BBS9: variants seen among roughly 807,000 people sequenced by gnomAD.
The protein encoded by BBS9 is Bardet-Biedl syndrome 9.
BBS9 carries 89 observed loss-of-function variants against 117.7 expected under a neutral mutation model. The ratio of observed to expected loss-of-function variants is 0.76; its 90% CI spans 0.64 to 0.90. The LOEUF (loss-of-function observed/expected upper bound fraction) is 0.90, where lower values mean the gene tolerates loss of function less well. Ranked by LOEUF, BBS9 falls within the 40% of genes least tolerant of loss-of-function variation. The pLI is 0.00. For synonymous variants in BBS9, 379 were observed against 370.9 expected (o/e 1.02, Z -0.25); for missense variants, 982 against 1,042.2 (o/e 0.94, Z 0.80).
At chr7:33,346,324 C>T in intron 12 of BBS9, 1 of 464,186 alleles carries the variant, frequency 2.2e-6, no homozygotes, top group Non-Finnish European at 4.5e-6. Flanking sequence ...ATGTGGCTAC[C>T]TTGAGTATGT....
At chr7:33,447,592 C>T (rs1276410953) in intron 19 of BBS9, among the ~76,000 whole-genome samples, 1 of 152,158 alleles carries the variant, frequency 6.6e-6, no homozygotes, top group Non-Finnish European at 1.5e-5. Flanking sequence ...TACGTATCTG[C>T]TACTAGAAAT....
intron 5 of BBS9, among the ~76,000 whole-genome samples, chr7:33,187,958 C>T (rs979395096): frequency 2.0e-5 from 3 of 151,732 alleles, no homozygotes; most frequent in Admixed American, 1.3e-4. Context: ...TCTCAAGTAG[C>T]TCACAATCTA....
intron 20 of BBS9, among the ~76,000 whole-genome samples, chr7:33,512,034 A>G (rs1847047862): frequency 6.6e-6 from 1 of 152,200 alleles, no homozygotes; most frequent in Non-Finnish European, 1.5e-5. Context: ...TGTCTATGGG[A>G]ACACAGTGCA....
intron 21 of BBS9, among the ~76,000 whole-genome samples, chr7:33,538,785 A>G (rs79030775): frequency 2.7e-5 from 4 of 150,568 alleles, no homozygotes; most frequent in Non-Finnish European, 5.9e-5. Context: ...AAAAAAAAAA[A>G]GGGAGTGAGT....
intron 21 of BBS9, among the ~76,000 whole-genome samples, chr7:33,576,598 AG>A (rs1202031470): frequency 6.6e-6 from 1 of 152,190 alleles, no homozygotes; most frequent in East Asian, 1.9e-4. Flanking sequence ...CGCTTTGCCA[AG>A]ACAATCCTAA....
intron 9 of BBS9, among the ~76,000 whole-genome samples, chr7:33,303,238 A>G (rs903754611): frequency 6.6e-6 from 1 of 152,106 alleles, no homozygotes; most frequent in African/African-American, 2.4e-5. Flanking sequence ...GTCCTTTCCA[A>G]TTTGAATGCC....
At chr7:33,381,849 A>G (rs1394098092) in intron 17 of BBS9, among the ~76,000 whole-genome samples, 3 of 152,120 alleles carry the variant, frequency 2.0e-5, no homozygotes, top group Non-Finnish European at 2.9e-5. Flanking sequence ...ATTCTTTATC[A>G]TTGTGAAAGG....
chr7:33,542,818 C>T (rs1435744726), intron 21 of BBS9, among the ~76,000 whole-genome samples: 4 of 151,196 alleles, frequency 2.6e-5, no homozygotes, highest in Non-Finnish European at 5.9e-5. Context: ...CACACACACA[C>T]ACACACACAC....
chr7:33,257,350 A>G lies in BBS9; in HGVS notation c.557A>G (p.Tyr186Cys). 3.1e-6 allele frequency: 5 copies of G among 1,613,908 alleles called. No homozygotes were observed. The highest frequency in any genetic ancestry group is 4.2e-6 in the Non-Finnish European group (5 of 1,179,880). Residue 186 changes from tyrosine to cysteine, a missense_variant, in exon 6 of 23, where the codon TAC becomes TGC. Coordinates refer to ENST00000242067, the MANE Select transcript of BBS9 (RefSeq NM_198428.3). ...TTTCTTCTGCCTGGTCCTCTTGCCT[A>G]CAGTTCCCGTACAGATTCCTTCCTT... ...PGFLLPGPLA[Y>C]SSRTDSFLTV...
At chr7:33,138,549 A>C (rs1394621345) in intron 1 of BBS9, among the ~76,000 whole-genome samples, 1 of 145,620 alleles carries the variant, frequency 6.9e-6, no homozygotes, top group Non-Finnish European at 1.5e-5. Flanking sequence ...GTAGCAAGGG[A>C]CCAAACTCTG....
intron 19 of BBS9, among the ~76,000 whole-genome samples, chr7:33,462,093 A>G (rs1205283110): frequency 6.6e-6 from 1 of 152,062 alleles, no homozygotes; most frequent in Non-Finnish European, 1.5e-5. Flanking sequence ...TAGGTTAATT[A>G]TTAAATAATA....
chr7:33,208,985 G>T (rs1300573053), intron 5 of BBS9, among the ~76,000 whole-genome samples: 1 of 152,058 alleles, frequency 6.6e-6, no homozygotes, highest in Admixed American at 6.6e-5. Context: ...ATTTAAAAAT[G>T]TACAATTAAA....
At chr7:33,217,611 C>T (rs886659760) in intron 5 of BBS9, among the ~76,000 whole-genome samples, 1 of 152,192 alleles carries the variant, frequency 6.6e-6, no homozygotes, top group Admixed American at 6.5e-5. Flanking sequence ...TTATAATTCT[C>T]AGCATGCACA....
intron 5 of BBS9, among the ~76,000 whole-genome samples, chr7:33,232,917 G>GT (rs1562845850): frequency 6.6e-6 from 1 of 152,104 alleles, no homozygotes; most frequent in African/African-American, 2.4e-5. Context: ...AAGGAAAGTC[G>GT]TAACTCTCAA....
Position 33,383,850 on chromosome 7 carries a change from C to T in BBS9, c.1962+12C>T. 6.2e-7 allele frequency: 1 copy of T among 1,607,406 alleles called. No individual in the cohort carries two copies. The highest frequency in any genetic ancestry group is 8.5e-7 in the Non-Finnish European group (1 of 1,176,418). ...ATCATCATTTTGAGGTATGTATGAT[C>T]ATAACCCACATCATCTATAATCCTT... On this transcript the variant is annotated intron_variant, in intron 18 of 22. Coordinates refer to ENST00000242067, the MANE Select transcript of BBS9 (RefSeq NM_198428.3).
chr7:33,361,704 G>A (rs1479565818), intron 16 of BBS9, among the ~76,000 whole-genome samples: 9 of 151,464 alleles, frequency 5.9e-5, no homozygotes, highest in Non-Finnish European at 1.0e-4. Flanking sequence ...TTCTTTTAAG[G>A]TTTATATTTT....
intron 19 of BBS9, among the ~76,000 whole-genome samples, chr7:33,397,514 A>AT (rs1352576489): frequency 6.6e-6 from 1 of 152,208 alleles, no homozygotes; most frequent in Non-Finnish European, 1.5e-5. Flanking sequence ...AAATACATGT[A>AT]TGCATATGTT....
chr7:33,334,557 G>C (rs907267930), intron 9 of BBS9, among the ~76,000 whole-genome samples: 16 of 152,046 alleles, frequency 1.1e-4, no homozygotes, highest in African/African-American at 3.9e-4. Flanking sequence ...GCTGAAAGTT[G>C]GGATTTCCAT....
intron 19 of BBS9, among the ~76,000 whole-genome samples, chr7:33,409,032 C>T (rs1463222169): frequency 6.6e-6 from 1 of 152,124 alleles, no homozygotes; most frequent in Non-Finnish European, 1.5e-5. Context: ...TGTTCATGTC[C>T]ATTGCCCATT....
Sources: gnomAD v4.1 joint callset for allele counts (sites outside exome capture counted in the v4.1 genomes callset) on GRCh38, gnomAD v4.1.1 for gene constraint, MANE v1.5 for transcripts, NCBI Gene and HGNC (gene_info 2026-07-23, HGNC 2026-07-21) for gene names.